The following MYO1D variants were observed in gnomAD, a reference collection of about 807,000 sequenced individuals.
MYO1D encodes unconventional myosin-Id.
In MYO1D, 83 loss-of-function variants were observed where a neutral mutation model predicts 122.0. The ratio of observed to expected loss-of-function variants is 0.68; its 90% confidence interval spans 0.57 to 0.82. The LOEUF (loss-of-function observed/expected upper bound fraction) is 0.82. MYO1D is among the 40% of genes least tolerant of loss of function. The pLI, the probability that MYO1D is intolerant of heterozygous loss-of-function variation, is 0.00. For missense variants in MYO1D, 1,157 were observed against 1,269.5 expected (o/e 0.91, Z 1.35); for synonymous variants, 464 against 446.9 (o/e 1.04, Z -0.48).
intron 19 of MYO1D, among the ~76,000 whole-genome samples, chr17:32,644,478 T>C (rs976139499): frequency 2.0e-5 from 3 of 152,200 alleles, no homozygotes; most frequent in Admixed American, 6.5e-5. Context: ...TTGTTAACTT[T>C]CTGTCTCGTT....
chr17:32,513,814 C>A (rs1236827480), intron 21 of MYO1D, among the ~76,000 whole-genome samples: 1 of 151,778 alleles, frequency 6.6e-6, no homozygotes, highest in East Asian at 1.9e-4. Flanking sequence ...ACCCCAAACG[C>A]CTTAAGATTT....
intron 21 of MYO1D, among the ~76,000 whole-genome samples, chr17:32,556,770 A>T (rs1408154858): frequency 3.3e-5 from 5 of 152,218 alleles, no homozygotes; most frequent in Non-Finnish European, 5.9e-5. Flanking sequence ...AAAAATGAAC[A>T]TCACATTTAA....
At chr17:32,510,161 TCTC>T (rs1909641356) in intron 21 of MYO1D, 1 of 152,228 alleles carries the variant, frequency 6.6e-6, no homozygotes, top group South Asian at 2.1e-4. Flanking sequence ...AGGGCAACTG[TCTC>T]CTCAACAGCA....
chr17:32,522,710 A>G (rs1910188994), intron 21 of MYO1D, among the ~76,000 whole-genome samples: 1 of 152,130 alleles, frequency 6.6e-6, no homozygotes, highest in African/African-American at 2.4e-5. Context: ...GAGGAGTCAC[A>G]CAGCCAGCTT....
chr17:32,693,022 T>G (rs1438894377), intron 16 of MYO1D, among the ~76,000 whole-genome samples: 1 of 152,238 alleles, frequency 6.6e-6, no homozygotes. Flanking sequence ...CAGCTACCTC[T>G]GTAATACAGT....
chr17:32,543,956 C>T (rs998647802), intron 21 of MYO1D, among the ~76,000 whole-genome samples: 10 of 152,100 alleles, frequency 6.6e-5, no homozygotes, highest in Non-Finnish European at 1.2e-4. Flanking sequence ...CCACACCTGG[C>T]TAATTTTTGT....
At chr17:32,811,677 C>A (rs2090574110) in intron 1 of MYO1D, among the ~76,000 whole-genome samples, 1 of 120,340 alleles carries the variant, frequency 8.3e-6, no homozygotes, top group South Asian at 2.9e-4. Context: ...AGGTGTTCAT[C>A]CCTCACCAAG....
At chr17:32,560,535 A>C (rs1367518559) in intron 21 of MYO1D, among the ~76,000 whole-genome samples, 575 of 27,832 alleles carry the variant, frequency 0.021, 50 homozygotes, top group South Asian at 0.062. Context: ...CAACATATAT[A>C]TATATATATA....
chr17:32,597,905 C>A (rs2150908860), intron 21 of MYO1D, among the ~76,000 whole-genome samples: 1 of 146,182 alleles, frequency 6.8e-6, no homozygotes, highest in Non-Finnish European at 1.5e-5. Context: ...AATCTCGTTT[C>A]AACTTCTTTA....
chr17:32,771,294 C>T (rs1817100901), intron 5 of MYO1D, 74 bp from the exon 6 acceptor site: 2 of 1,021,834 alleles, frequency 2.0e-6, no homozygotes, highest in Admixed American at 4.4e-5. Flanking sequence ...GGTAATCTAG[C>T]TTTTATTCAT....
chr17:32,856,622 G>A (rs111821701), intron 1 of MYO1D, among the ~76,000 whole-genome samples: 2 of 152,248 alleles, frequency 1.3e-5, no homozygotes, highest in South Asian at 2.1e-4. Context: ...TTTCTCAAGT[G>A]TGCAACTTTG....
intron 21 of MYO1D, among the ~76,000 whole-genome samples, chr17:32,520,810 T>C (rs1453631691): frequency 2.0e-5 from 3 of 152,168 alleles, no homozygotes; most frequent in Non-Finnish European, 2.9e-5. Flanking sequence ...GACAGAAAAA[T>C]GATGAATAAA....
At chr17:32,617,619 T>G (rs1325273584) in intron 20 of MYO1D, among the ~76,000 whole-genome samples, 1 of 152,086 alleles carries the variant, frequency 6.6e-6, no homozygotes, top group Non-Finnish European at 1.5e-5. Flanking sequence ...TTTTATATTT[T>G]TAGTAGATAT....
intron 1 of MYO1D, among the ~76,000 whole-genome samples, chr17:32,847,924 G>A (rs2090952173): frequency 6.6e-6 from 1 of 152,174 alleles, no homozygotes; most frequent in Non-Finnish European, 1.5e-5. Context: ...ACCAAAGATT[G>A]TTTATACAAA....
intron 16 of MYO1D, among the ~76,000 whole-genome samples, chr17:32,699,478 C>T (rs1249032122): frequency 3.3e-5 from 5 of 152,188 alleles, no homozygotes; most frequent in Non-Finnish European, 7.3e-5. Flanking sequence ...AATGCTGTCT[C>T]AGCTCTGGGG....
intron 15 of MYO1D, among the ~76,000 whole-genome samples, chr17:32,715,770 G>A (rs1007079815): frequency 6.6e-6 from 1 of 151,982 alleles, no homozygotes; most frequent in East Asian, 1.9e-4. Context: ...GTCTATACAG[G>A]TCTTGAAGGC....
intron 21 of MYO1D, among the ~76,000 whole-genome samples, chr17:32,604,392 C>T (rs2087600984): frequency 1.3e-5 from 2 of 152,258 alleles, no homozygotes; most frequent in South Asian, 4.1e-4. Context: ...GAGATACACC[C>T]ACCCAAATAC....
At chr17:32,811,269 C>T (rs1424882611) in intron 1 of MYO1D, among the ~76,000 whole-genome samples, 1 of 152,192 alleles carries the variant, frequency 6.6e-6, no homozygotes, top group Non-Finnish European at 1.5e-5. Context: ...CTCAAGTAAA[C>T]CTCTACCAGT....
chr17:32,679,373 T>C (rs1057052103), intron 16 of MYO1D, among the ~76,000 whole-genome samples: 8 of 152,050 alleles, frequency 5.3e-5, no homozygotes, highest in African/African-American at 1.9e-4. Context: ...GGTTTTCTTC[T>C]AGGGTTTTTA....
Sources: allele counts gnomAD v4.1 joint callset (sites outside exome capture counted in the v4.1 genomes callset), GRCh38; gene constraint gnomAD v4.1.1; transcripts MANE v1.5; gene names NCBI Gene and HGNC (gene_info 2026-07-23, HGNC 2026-07-21).